The following GRID2 variants were observed in gnomAD, a reference collection of about 807,000 sequenced individuals.
The protein encoded by GRID2 is glutamate receptor ionotropic, delta-2.
GRID2 carries 33 observed loss-of-function variants against 114.8 expected under a neutral mutation model. The ratio of observed to expected loss-of-function variants is 0.29; its 90% CI spans 0.22 to 0.38. The LOEUF (loss-of-function observed/expected upper bound fraction) is 0.38. GRID2 is among the 10% of genes least tolerant of loss of function. GRID2 has a pLI of 1.00. For missense variants in GRID2, 1,184 were observed against 1,257.7 expected, an observed-to-expected ratio of 0.94 and a Z score of 0.89; for synonymous variants, 505 against 449.9, an observed-to-expected ratio of 1.12 and a Z score of -1.55.
chr4:92,481,470 C>T (rs1316313885), intron 1 of GRID2, among the ~76,000 whole-genome samples: 1 of 152,062 alleles, frequency 6.6e-6, no homozygotes, highest in Non-Finnish European at 1.5e-5. Context: ...AGGAGTCTTC[C>T]TCATTGCTTG....
chr4:93,741,727 C>G (rs1265838597), intron 14 of GRID2, among the ~76,000 whole-genome samples: 2 of 152,044 alleles, frequency 1.3e-5, no homozygotes, highest in East Asian at 1.9e-4. Context: ...AGTTCGAGAC[C>G]AGCCTGGCTA....
At chr4:93,162,132 G>A (rs1430932575) in intron 4 of GRID2, among the ~76,000 whole-genome samples, 1 of 151,694 alleles carries the variant, frequency 6.6e-6, no homozygotes, top group African/African-American at 2.4e-5. Context: ...TTTGAGGAAA[G>A]CCCTCCTTAT....
chr4:93,066,974 C>G (rs1323169427), intron 2 of GRID2, among the ~76,000 whole-genome samples: 1 of 151,986 alleles, frequency 6.6e-6, no homozygotes, highest in Non-Finnish European at 1.5e-5. Flanking sequence ...AGGGAAGAAG[C>G]AGCATGGTGT....
intron 2 of GRID2, among the ~76,000 whole-genome samples, chr4:92,990,946 A>G (rs901509403): frequency 1.3e-5 from 2 of 152,220 alleles, no homozygotes; most frequent in African/African-American, 4.8e-5. Flanking sequence ...AAAGAATACT[A>G]TAACAAAATT....
chr4:92,879,869 G>A (rs1335100276), intron 2 of GRID2, among the ~76,000 whole-genome samples: 3 of 152,156 alleles, frequency 2.0e-5, no homozygotes, highest in Non-Finnish European at 4.4e-5. Flanking sequence ...CTGTTCTTTG[G>A]CCAAGAGCTT....
chr4:92,430,218 T>C (rs1009003871), intron 1 of GRID2, among the ~76,000 whole-genome samples: 1 of 152,162 alleles, frequency 6.6e-6, no homozygotes, highest in Non-Finnish European at 1.5e-5. Flanking sequence ...TGTTTTCTTG[T>C]GGTAATTTCA....
intron 2 of GRID2, among the ~76,000 whole-genome samples, chr4:92,627,963 A>T (rs1054344505): frequency 6.6e-6 from 1 of 152,186 alleles, no homozygotes; most frequent in African/African-American, 2.4e-5. Flanking sequence ...GTGCAGTGAC[A>T]CATCATTATA....
intron 2 of GRID2, among the ~76,000 whole-genome samples, chr4:92,694,756 A>G (rs962780342): frequency 1.3e-5 from 2 of 152,152 alleles, no homozygotes; most frequent in Non-Finnish European, 2.9e-5. Flanking sequence ...ACTTGTGCAT[A>G]TCTTATTTTA....
At chr4:93,597,047 C>A (rs1467248593) in intron 13 of GRID2, among the ~76,000 whole-genome samples, 1 of 152,096 alleles carries the variant, frequency 6.6e-6, no homozygotes, top group African/African-American at 2.4e-5. Flanking sequence ...AGACAGTGAA[C>A]AGATGTGTAA....
Position 93,140,304 on chromosome 4 carries a change from G to A in GRID2, c.735+29351G>A, listed in dbSNP as rs1418821366. On this transcript the variant is annotated intron_variant, in intron 4 of 15. Transcript: ENST00000282020. ...CTCCTGAGTAGCTGGGACTACAGGC[G>A]CCCACCACTACGCCTGGCTAATTTT... 4.6e-5 allele frequency among the ~76,000 whole-genome samples: 7 copies of A among 151,758 alleles called. 1 individual carries two copies. In the South Asian group the frequency reaches 6.2e-4, roughly 14 times the overall value.
chr4:93,131,202 G>T lies in GRID2; in HGVS notation c.735+20249G>T, dbSNP rs577510603. Among the ~76,000 whole-genome samples, 6 of 134,212 alleles carry T rather than the reference G, an allele frequency of 4.5e-5. No homozygotes were observed. The East Asian group carries it at 1.3e-3, about 30-fold the overall frequency. The allele number at this position is 134,212 out of a possible 152,430, so 88.0% of individuals were successfully genotyped here. ...TGGAGTCTCGCTGTGTCACCAGGCT[G>T]GAGTGCAGTGGCACCATCTTGGCTC... On this transcript the variant is annotated intron_variant, in intron 4 of 15. Coordinates refer to ENST00000282020, the MANE Select transcript of GRID2 (RefSeq NM_001510.4).
chr4:93,283,433 A>C (rs2149130780), intron 8 of GRID2, among the ~76,000 whole-genome samples: 1 of 152,188 alleles, frequency 6.6e-6, no homozygotes, highest in Middle Eastern at 3.4e-3. Flanking sequence ...CCAATGCCTA[A>C]CATATCAGAA....
At chr4:93,749,969 A>G (rs1732169295) in intron 14 of GRID2, among the ~76,000 whole-genome samples, 1 of 152,228 alleles carries the variant, frequency 6.6e-6, no homozygotes, top group Non-Finnish European at 1.5e-5. Flanking sequence ...ATGCAGGTGA[A>G]GAGATAGGTG....
At chr4:93,345,904 C>T (rs372416507) in intron 8 of GRID2, among the ~76,000 whole-genome samples, 2 of 151,974 alleles carry the variant, frequency 1.3e-5, no homozygotes, top group African/African-American at 4.8e-5. Flanking sequence ...AGAGATTGTC[C>T]TTTTCCCATT....
Position 93,793,645 on chromosome 4 carries a change from C to T in GRID2, c.222-13070C>T, listed in dbSNP as rs563480184. On this transcript the variant is annotated intron_variant, in intron 1 of 1. Transcript: ENST00000637838. ...TGAAATTGTAATATTGAGATACACT[C>T]AAAAACAAATGATTTGAGAAAACAC... Among the ~76,000 whole-genome samples, 18 of 152,256 alleles carry T rather than the reference C, an allele frequency of 1.2e-4. No individual in the cohort carries two copies. The East Asian group carries it at 3.5e-3, about 29-fold the overall frequency.
chr4:92,744,997 A>G (rs1012299170), intron 2 of GRID2, among the ~76,000 whole-genome samples: 6 of 152,160 alleles, frequency 3.9e-5, no homozygotes, highest in African/African-American at 1.4e-4. Flanking sequence ...CTGTAGGATC[A>G]ACAGAAATTT....
chr4:92,930,906 G>A lies in GRID2; in HGVS notation c.245-154089G>A, dbSNP rs574248835. Among the ~76,000 whole-genome samples, 14 of 150,856 alleles carry A rather than the reference G, an allele frequency of 9.3e-5. No homozygotes were observed. The South Asian group carries it at 1.9e-3, about 20-fold the overall frequency. ...ATTCCACAAAGAAAACTCCAGGCACGGAAAGATTGGCAGGTTAATTCTATC... is the reference window on the plus strand; with the variant it reads ...ATTCCACAAAGAAAACTCCAGGCACAGAAAGATTGGCAGGTTAATTCTATC... On this transcript the variant is annotated intron_variant, in intron 2 of 15. Coordinates refer to ENST00000282020, the MANE Select transcript of GRID2 (RefSeq NM_001510.4).
intron 2 of GRID2, among the ~76,000 whole-genome samples, chr4:92,830,731 C>G (rs1742046543): frequency 6.6e-6 from 1 of 152,080 alleles, no homozygotes; most frequent in South Asian, 2.1e-4. Flanking sequence ...TGTTTTCTTT[C>G]TAATTTTATG....
intron 2 of GRID2, among the ~76,000 whole-genome samples, chr4:92,897,557 C>T (rs1448871125): frequency 1.3e-5 from 2 of 152,112 alleles, no homozygotes; most frequent in East Asian, 3.9e-4. Flanking sequence ...ACGTGGGTGC[C>T]CTGGCTTCCT....
Sources: allele counts gnomAD v4.1 joint callset (sites outside exome capture counted in the v4.1 genomes callset), GRCh38; gene constraint gnomAD v4.1.1; transcripts MANE v1.5; gene names NCBI Gene and HGNC (gene_info 2026-07-23, HGNC 2026-07-21).